AJAP1: variants seen among roughly 807,000 people sequenced by gnomAD.
The protein encoded by AJAP1 is adherens junctions associated protein 1.
Under a neutral mutation model 35.0 loss-of-function variants are expected in AJAP1, and 5 were observed. The ratio of observed to expected loss-of-function variants is 0.14; its 90% CI spans 0.07 to 0.30. The LOEUF is 0.30. Among genes scored for constraint, AJAP1 ranks in the 10% least tolerant of loss-of-function variants. AJAP1 has a pLI of 1.00. For synonymous variants in AJAP1, 284 were observed against 249.3 expected, an observed-to-expected ratio of 1.14 and a Z score of -1.31; for missense variants, 586 against 571.0, an observed-to-expected ratio of 1.03 and a Z score of -0.27.
At chr1:4,660,048 C>T (rs1285377297) in intron 1 of AJAP1, among the ~76,000 whole-genome samples, 1 of 152,244 alleles carries the variant, frequency 6.6e-6, no homozygotes, top group Non-Finnish European at 1.5e-5. Flanking sequence ...TATGGGGCAG[C>T]CCTGTTCTGC....
rs1421346239 is a variant in AJAP1, at chr1:4,783,845, G to C, written c.*1360G>C. On this transcript the variant is annotated 3_prime_UTR_variant, in exon 6 of 6. Coordinates refer to ENST00000378191, the MANE Select transcript of AJAP1 (RefSeq NM_018836.4). ...ACTTAGACATACGTGAAGGGCCCCG[G>C]TTGGTTTGAAAACGAAAAATAGTCA... 6.6e-6 allele frequency: 1 copy of C among 152,066 alleles called. No homozygotes were observed. The highest frequency in any genetic ancestry group is 2.4e-5 in the African/African-American group (1 of 41,398). The allele number at this position is 152,066 out of a possible 1,614,324, so 9.4% of individuals were successfully genotyped here.
At chr1:4,728,461 G>A (rs962638415) in intron 2 of AJAP1, among the ~76,000 whole-genome samples, 1 of 152,176 alleles carries the variant, frequency 6.6e-6, no homozygotes, top group Admixed American at 6.5e-5. Context: ...CCAGCCCCGG[G>A]TTTGGGGTTT....
intron 1 of AJAP1, among the ~76,000 whole-genome samples, chr1:4,674,201 A>G (rs867600549): frequency 2.6e-5 from 4 of 152,154 alleles, no homozygotes; most frequent in African/African-American, 9.7e-5. Context: ...AGGGCCCTGG[A>G]GAGGAGGCTT....
At chr1:4,727,436 C>T (rs1028022375) in intron 2 of AJAP1, among the ~76,000 whole-genome samples, 22 of 152,224 alleles carry the variant, frequency 1.4e-4, no homozygotes, top group African/African-American at 4.3e-4. Context: ...TGCACAGGCA[C>T]GTGGACCAGG....
intron 1 of AJAP1, among the ~76,000 whole-genome samples, chr1:4,691,826 C>A (rs896205297): frequency 6.6e-6 from 1 of 152,146 alleles, no homozygotes; most frequent in East Asian, 1.9e-4. Context: ...GGCCCATGAC[C>A]TGCAGACCCA....
Position 4,788,030 on chromosome 1 carries a change from CA to C in AJAP1, c.*5546del, listed in dbSNP as rs1553162870. 1 of 286,716 alleles carries C rather than the reference CA, an allele frequency of 3.5e-6. No individual in the cohort carries two copies. The highest frequency in any genetic ancestry group is 6.9e-6 in the Non-Finnish European group (1 of 144,212). The allele number at this position is 286,716 out of a possible 1,614,324, so 17.8% of individuals were successfully genotyped here. On this transcript the variant is annotated 3_prime_UTR_variant, in exon 6 of 6. Coordinates refer to ENST00000378191, the MANE Select transcript of AJAP1 (RefSeq NM_018836.4). ...TTTGTTTGTTTTCTAGTGTAAATAG[CA>C]CAGCCCACATAAATGAGCGAAACTC... is the stretch of plus-strand genomic sequence containing the variant.
chr1:4,700,678 C>G (rs1639967190), intron 1 of AJAP1, among the ~76,000 whole-genome samples: 1 of 152,124 alleles, frequency 6.6e-6, no homozygotes, highest in South Asian at 2.1e-4. Flanking sequence ...GTGCTGGGGG[C>G]CCAGTCTGGG....
intron 2 of AJAP1, among the ~76,000 whole-genome samples, chr1:4,722,049 G>A (rs372377871): frequency 3.9e-5 from 6 of 152,330 alleles, no homozygotes; most frequent in East Asian, 1.9e-4. Flanking sequence ...CTGGGAACAC[G>A]TCTGCCACAC....
rs559619021 is a variant in AJAP1 at position 4,782,538 on chromosome 1, CA to C, written c.*60-6del. On this transcript the variant is annotated splice_region_variant and splice_polypyrimidine_tract_variant and intron_variant, in intron 5 of 5. Coordinates refer to ENST00000378191, the MANE Select transcript of AJAP1 (RefSeq NM_018836.4). The surrounding 1 kb of genome is among the most constrained non-coding windows in gnomAD (Gnocchi z 5.3). Reference sequence around the variant, plus strand: ...ATTTAATCTCTTCTTGTTTTCTTTCCACACAGGATTCCGTTGGTGAACCTGT... The same window carrying C: ...ATTTAATCTCTTCTTGTTTTCTTTCCCACAGGATTCCGTTGGTGAACCTGT... 2.8e-3 allele frequency: 1,080 copies of C among 384,830 alleles called. 3 individuals are homozygous for C. Among genetic ancestry groups the C allele is most frequent in the Non-Finnish European group, 4.2e-3 (922 of 217,872 alleles). The allele number at this position is 384,830 out of a possible 1,614,324, so 23.8% of individuals were successfully genotyped here. A position where few individuals can be genotyped will look rare whatever the true frequency, so the allele number is the denominator to read the frequency against.
At chr1:4,743,478 C>T (rs572811781) in intron 2 of AJAP1, among the ~76,000 whole-genome samples, 8 of 152,246 alleles carry the variant, frequency 5.3e-5, no homozygotes, top group Non-Finnish European at 7.4e-5. Flanking sequence ...AGCTGCCACC[C>T]GCGCCTGCTC....
chr1:4,713,110 T>TC (rs1030808830), intron 2 of AJAP1, among the ~76,000 whole-genome samples: 17 of 151,408 alleles, frequency 1.1e-4, no homozygotes, highest in Admixed American at 2.6e-4. Context: ...CAATTAAGGA[T>TC]CCCCCCGCCC....
chr1:4,689,868 A>G (rs1308381138), intron 1 of AJAP1, among the ~76,000 whole-genome samples: 4 of 152,144 alleles, frequency 2.6e-5, no homozygotes, highest in Non-Finnish European at 4.4e-5. Context: ...AGGGGATGAG[A>G]GCCTGGAGGG....
rs748029251 is a variant in AJAP1, at chr1:4,712,195, G to A, written c.325G>A (p.Ala109Thr). 2 of 1,563,734 alleles carry A rather than the reference G, an allele frequency of 1.3e-6. No individual in the cohort carries two copies. The highest frequency in any genetic ancestry group is 1.7e-4 in the Middle Eastern group (1 of 5,924). The change falls in exon 2 of 6, where the codon GCC (alanine) becomes ACC (threonine). Residue 109 changes from alanine to threonine, a missense_variant. Transcript: ENST00000378191. ...GGCCCACAGGCCCCGGGACCAGGCG[G>A]CCGCCCTCGTGCCCAAGGCAGGACT... is the stretch of plus-strand genomic sequence containing the variant. ...RRAHRPRDQA[A>T]ALVPKAGLAK...
In AJAP1 at chr1:4,713,409, G is replaced by T. The variant is rs558533954; in HGVS notation, c.829+710G>T. ...TCTGCTGCTGTTATCCTAGCTGCCT[G>T]TGGACACACACAGTTCACTGGCTTT... On this transcript the variant is annotated intron_variant, in intron 2 of 5. Coordinates refer to ENST00000378191, the MANE Select transcript of AJAP1 (RefSeq NM_018836.4). Among the ~76,000 whole-genome samples, 24 of 152,332 alleles carry T rather than the reference G, an allele frequency of 1.6e-4. 1 individual carries two copies. Among genetic ancestry groups the T allele is most frequent in the African/African-American group, 5.1e-4 (21 of 41,580 alleles).
At position 4,748,759 on chromosome 1, in the gene AJAP1, A is replaced by G. The variant is rs112696808; in HGVS notation, c.830-21094A>G. ...TGAGACTCTGTCTCAAAAAAAAAAA[A>G]AAAAAAAAAAAAAAAGAATGGAACC... On this transcript the variant is annotated intron_variant, in intron 2 of 5. Coordinates refer to ENST00000378191, the MANE Select transcript of AJAP1 (RefSeq NM_018836.4). 1.1e-3 allele frequency among the ~76,000 whole-genome samples: 172 copies of G among 150,606 alleles called. 2 individuals are homozygous for G. Among genetic ancestry groups the G allele is most frequent in the South Asian group, 1.5e-3 (7 of 4,748 alleles).
chr1:4,666,986 C>T (rs1473297584), intron 1 of AJAP1, among the ~76,000 whole-genome samples: 1 of 146,526 alleles, frequency 6.8e-6, no homozygotes, highest in East Asian at 2.1e-4. Context: ...CTGTGAATCA[C>T]AGGAGGGTGC....
intron 1 of AJAP1, among the ~76,000 whole-genome samples, chr1:4,701,983 T>A (rs768145140): frequency 6.6e-6 from 1 of 152,190 alleles, no homozygotes; most frequent in African/African-American, 2.4e-5. Flanking sequence ...AAGTAGTCCC[T>A]GAAATTACAG....
At position 4,790,515 on chromosome 1, in the gene AJAP1, C is replaced by T. The variant is rs1003061419; in HGVS notation, c.*8030C>T. ...GCGGGGCAACTGGTTTTGAAAAGCC[C>T]GCTGGCGTGCCAGAGGGGGTGTTTG... On this transcript the variant is annotated 3_prime_UTR_variant, in exon 6 of 6. Coordinates refer to ENST00000378191, the MANE Select transcript of AJAP1 (RefSeq NM_018836.4). 2.6e-5 allele frequency: 4 copies of T among 152,214 alleles called. No homozygotes were observed. Among genetic ancestry groups the T allele is most frequent in the Non-Finnish European group, 5.9e-5 (4 of 68,052 alleles). 9.4% of individuals were successfully genotyped at this position (152,214 alleles called of 1,614,324 possible). A position where few individuals can be genotyped will look rare whatever the true frequency, so the allele number is the denominator to read the frequency against.
intron 1 of AJAP1, among the ~76,000 whole-genome samples, chr1:4,703,339 G>A (rs1028674077): frequency 6.6e-6 from 1 of 152,086 alleles, no homozygotes; most frequent in Admixed American, 6.5e-5. Context: ...AGAGGGGGTT[G>A]GCCTCTGCTC....
Sources: allele counts gnomAD v4.1 joint callset (sites outside exome capture counted in the v4.1 genomes callset), GRCh38; gene constraint gnomAD v4.1.1; non-coding constraint Gnocchi (gnomAD v3.1); transcripts MANE v1.5; gene names NCBI Gene and HGNC (gene_info 2026-07-23, HGNC 2026-07-21).